The following NFASC variants were observed in gnomAD, a reference collection of about 807,000 sequenced individuals.
The protein encoded by NFASC is neurofascin.
A neutral mutation model predicts 147.5 loss-of-function variants in NFASC; 43 were observed. The observed-to-expected ratio is 0.29, with a 90% confidence interval of 0.23 to 0.38. The LOEUF (loss-of-function observed/expected upper bound fraction) is 0.38. Among genes scored for constraint, NFASC ranks in the 10% least tolerant of loss-of-function variants. The pLI is 1.00. For missense variants in NFASC, 1,320 were observed against 1,689.0 expected (o/e 0.78, Z 3.83); for synonymous variants, 622 against 665.5 (o/e 0.93, Z 1.01).
At position 204,954,407 on chromosome 1, in the gene NFASC, G is replaced by C. The variant is rs1353262228; in HGVS notation, c.412+23G>C. On this transcript the variant is annotated intron_variant, in intron 6 of 29. Coordinates refer to ENST00000339876, the MANE Select transcript of NFASC (RefSeq NM_001005388.3). This position sits in a 1 kb window ranked among gnomAD's most constrained non-coding sequence, Gnocchi z 5.7. ...CTAGTGAGTAGCGTGGGGCAGGGCT[G>C]AAATGCCCTGCTCCTGGGTAAATGG... 1 of 1,603,470 alleles carries C rather than the reference G, an allele frequency of 6.2e-7. No individual in the cohort carries two copies. Among genetic ancestry groups the C allele is most frequent in the African/African-American group, 1.3e-5 (1 of 74,668 alleles).
chr1:204,993,957 C>CT (rs2095795989), intron 24 of NFASC, among the ~76,000 whole-genome samples: 1 of 152,242 alleles, frequency 6.6e-6, no homozygotes, highest in Non-Finnish European at 1.5e-5. Context: ...AGCCCCCTGA[C>CT]AGCTCACTGC....
chr1:204,948,733 C>T, intron 3 of NFASC: 1 of 518,810 alleles, frequency 1.9e-6, no homozygotes, highest in East Asian at 5.4e-5. Flanking sequence ...GGGCTCTTTC[C>T]ATTGAGTCAG....
intron 1 of NFASC, among the ~76,000 whole-genome samples, chr1:204,866,624 C>T (rs1379311442): frequency 1.3e-5 from 2 of 152,220 alleles, no homozygotes; most frequent in Non-Finnish European, 2.9e-5. Context: ...GCACTCTTTC[C>T]ACTCACAGCT....
chr1:204,969,433 CA>C (rs2150252421), intron 10 of NFASC, among the ~76,000 whole-genome samples: 2 of 152,304 alleles, frequency 1.3e-5, no homozygotes, highest in South Asian at 4.1e-4. Flanking sequence ...TCCTTCCCCC[CA>C]AAGCAAAGAG....
intron 1 of NFASC, among the ~76,000 whole-genome samples, chr1:204,857,956 G>A (rs972969752): frequency 4.3e-5 from 5 of 116,706 alleles, no homozygotes; most frequent in African/African-American, 1.0e-4. Flanking sequence ...TTTCACTCTT[G>A]TCACCCAGGC....
chr1:204,941,655 A>G (rs942643210), intron 2 of NFASC, among the ~76,000 whole-genome samples: 2 of 152,224 alleles, frequency 1.3e-5, no homozygotes, highest in African/African-American at 2.4e-5. Context: ...TGTATAAGCC[A>G]AGGAGAGGCA....
intron 1 of NFASC, among the ~76,000 whole-genome samples, chr1:204,852,933 GCAAGTCCCATGGACTTGAATT>G (rs1343045113): frequency 2.0e-5 from 3 of 152,164 alleles, no homozygotes; most frequent in Admixed American, 1.3e-4. Context: ...TGGTCTGGAG[GCAAGTCCCATGGACTTGAATT>G]CAAGACACAC....
intron 27 of NFASC, among the ~76,000 whole-genome samples, chr1:205,005,583 G>A (rs1264238502): frequency 1.3e-5 from 2 of 152,218 alleles, no homozygotes; most frequent in East Asian, 3.9e-4. Flanking sequence ...AAGTTTAACA[G>A]ACCGATTGAG....
intron 23 of NFASC, among the ~76,000 whole-genome samples, chr1:204,990,793 CT>C (rs1305991910): frequency 6.6e-6 from 1 of 152,168 alleles, no homozygotes; most frequent in Non-Finnish European, 1.5e-5. Context: ...TATTCAGCAT[CT>C]TCCCCCAAAG....
chr1:204,865,597 T>C (rs1572183153), intron 1 of NFASC, among the ~76,000 whole-genome samples: 1 of 152,162 alleles, frequency 6.6e-6, no homozygotes, highest in African/African-American at 2.4e-5. Flanking sequence ...GAAATATGGG[T>C]TTATTTGTGG....
Position 204,974,701 on chromosome 1 carries a change from A to T in NFASC, c.1436A>T (p.His479Leu), listed in dbSNP as rs768480454. The T allele has an allele frequency of 2.5e-6, 4 of 1,614,122 alleles. No individual in the cohort carries two copies. The East Asian group carries it at 8.9e-5, about 36-fold the overall frequency. Residue 479 changes from histidine (H) to leucine (L), a missense_variant, in exon 14 of 30, where the codon CAT (histidine) becomes CTT (leucine). Physicochemically the swap from His to Leu is moderately conservative, Grantham distance 99 (BLOSUM62 -3). Around this residue, in one of 3 missense-constraint regions of NFASC, gnomAD observed 981 missense variants for 1,289.5 expected, o/e 0.76. Transcript: ENST00000339876. Reference sequence around the variant, plus strand: ...AGCAACCTGGATGGTGGCAACTACCATGTTTATGAGAACGGCAGTCTGGAA... The same window carrying T: ...AGCAACCTGGATGGTGGCAACTACCTTGTTTATGAGAACGGCAGTCTGGAA... ...QGSNLDGGNYHVYENGSLEIK... is the reference protein window; with the variant it reads ...QGSNLDGGNYLVYENGSLEIK...
At chr1:205,004,346 T>C (rs1558446853) in intron 27 of NFASC, among the ~76,000 whole-genome samples, 1 of 152,246 alleles carries the variant, frequency 6.6e-6, no homozygotes, top group Non-Finnish European at 1.5e-5. Flanking sequence ...AGAATAATGA[T>C]TGATACTGGG....
intron 27 of NFASC, among the ~76,000 whole-genome samples, chr1:205,004,656 T>C (rs2096068323): frequency 1.3e-5 from 2 of 152,250 alleles, no homozygotes; most frequent in South Asian, 4.1e-4. Flanking sequence ...CTCTTTCCTG[T>C]GGATGGACTC....
chr1:205,001,065 G>A, intron 25 of NFASC, 105 bp from the exon 26 acceptor site: 2 of 728,236 alleles, frequency 2.7e-6, no homozygotes, highest in South Asian at 3.0e-5. Context: ...GTGCGCGAGT[G>A]TGGGCATGTG....
intron 1 of NFASC, among the ~76,000 whole-genome samples, chr1:204,903,298 G>C (rs2085066996): frequency 6.6e-6 from 1 of 152,164 alleles, no homozygotes; most frequent in Non-Finnish European, 1.5e-5. Flanking sequence ...ATCTTGGTTT[G>C]AGTGATCCCT....
At chr1:204,926,758 G>A (rs962917066) in intron 2 of NFASC, among the ~76,000 whole-genome samples, 10 of 150,516 alleles carry the variant, frequency 6.6e-5, no homozygotes, top group Non-Finnish European at 1.0e-4. Context: ...TACAATTCAT[G>A]TTATAATATT....
At chr1:205,001,338 G>A (rs1024584902) in intron 26 of NFASC, 52 bp downstream of exon 26, 45 of 1,140,580 alleles carry the variant, frequency 3.9e-5, no homozygotes, top group South Asian at 3.9e-4. Flanking sequence ...CGGCAGCAGC[G>A]GCGGGTAGTG....
intron 2 of NFASC, among the ~76,000 whole-genome samples, chr1:204,930,086 C>G (rs1239939358): frequency 6.6e-6 from 1 of 152,118 alleles, no homozygotes; most frequent in African/African-American, 2.4e-5. Context: ...TGCAGCCAAG[C>G]CAGAGCCTCA....
At position 204,970,647 on chromosome 1, in the gene NFASC, C is replaced by T. The variant is rs776329617; in HGVS notation, c.1035C>T (p.Asn345=). The part of the protein sequence containing the change: ...AAPYWLDEPK[N]LILAPGEDGR... The stretch of plus-strand genomic sequence containing the variant: ...CCTACTGGCTGGACGAACCCAAGAA[C>T]CTTATTCTGGCTCCTGGCGAGGATG... Residue 345 remains asparagine, a synonymous_variant, in exon 11 of 30, where the codon AAC becomes AAT. Coordinates refer to ENST00000339876, the MANE Select transcript of NFASC (RefSeq NM_001005388.3). 1.2e-6 allele frequency: 2 copies of T among 1,614,164 alleles called. No individual in the cohort carries two copies. The highest frequency in any genetic ancestry group is 1.7e-6 in the Non-Finnish European group (2 of 1,180,036).
Sources: allele counts gnomAD v4.1 joint callset (sites outside exome capture counted in the v4.1 genomes callset), GRCh38; gene constraint gnomAD v4.1.1; regional missense constraint gnomAD v4.1.1; non-coding constraint Gnocchi (gnomAD v3.1); transcripts MANE v1.5; gene names NCBI Gene and HGNC (gene_info 2026-07-23, HGNC 2026-07-21).